Variants in CSMD2 observed in about 807,000 individuals in gnomAD.
The protein encoded by CSMD2 is CUB and Sushi multiple domains 2, also known as CUB and sushi domain-containing protein 2.
In CSMD2, 130 loss-of-function variants were observed where a neutral mutation model predicts 398.5. The ratio of observed to expected loss-of-function variants is 0.33; its 90% CI spans 0.28 to 0.38. The LOEUF (loss-of-function observed/expected upper bound fraction) is 0.38, where lower values mean the gene tolerates loss of function less well. CSMD2 is among the 10% of genes least tolerant of loss of function. The pLI is 1.00. For synonymous variants in CSMD2, 1,828 were observed against 1,908.5 expected (o/e 0.96, Z 1.10); for missense variants, 3,829 against 4,764.9 (o/e 0.80, Z 5.78).
At chr1:34,039,176 G>C (rs1024202116) in intron 2 of CSMD2, among the ~76,000 whole-genome samples, 1 of 152,184 alleles carries the variant, frequency 6.6e-6, no homozygotes, top group Non-Finnish European at 1.5e-5. Context: ...TCTAGACACA[G>C]AGTGGAACAG....
rs866722075 is a variant in CSMD2 at position 34,135,252 on chromosome 1, A to T, written c.187+29659T>A. Among the ~76,000 whole-genome samples the T allele has an allele frequency of 9.7e-3, 1,400 of 144,428 alleles. 5 individuals are homozygous for T. The highest frequency in any genetic ancestry group is 0.017 in the Admixed American group (246 of 14,904). 94.8% of individuals were successfully genotyped at this position (144,428 alleles called of 152,430 possible). A position where few individuals can be genotyped will look rare whatever the true frequency, so the allele number is the denominator to read the frequency against. On this transcript the variant is annotated intron_variant, in intron 1 of 70. Transcript: ENST00000373381. ...GCCCTCATGTTGAAATCACACACAC[A>T]CACACACACACACACACACACACAC...
rs1640092911 is a variant in CSMD2, at chr1:33,867,059, C to T, written c.921-20063G>A. On this transcript the variant is annotated intron_variant, in intron 5 of 70. Transcript: ENST00000373381. The stretch of plus-strand genomic sequence containing the variant: ...CCCCTCCTATTAAGTGTGGGCTGGA[C>T]AGGTGACTTTCTTCTAACCCATAGA... Among the ~76,000 whole-genome samples the T allele has an allele frequency of 3.3e-5, 5 of 152,318 alleles. 1 individual carries two copies. The South Asian group carries it at 1.0e-3, about 32-fold the overall frequency.
At chr1:33,711,346 C>A (rs1285488535) in intron 21 of CSMD2, among the ~76,000 whole-genome samples, 3 of 152,208 alleles carry the variant, frequency 2.0e-5, no homozygotes, top group African/African-American at 7.2e-5. Context: ...GTGGGATGAT[C>A]ATGGACTTTG....
intron 19 of CSMD2, among the ~76,000 whole-genome samples, chr1:33,720,472 C>T (rs186002629): frequency 6.6e-6 from 1 of 152,122 alleles, no homozygotes; most frequent in Admixed American, 6.5e-5. Flanking sequence ...GAAGGGCTGG[C>T]CAGGCAAGGG....
intron 5 of CSMD2, among the ~76,000 whole-genome samples, chr1:33,902,089 G>A (rs1204186713): frequency 1.3e-5 from 2 of 152,166 alleles, no homozygotes; most frequent in Admixed American, 6.5e-5. Flanking sequence ...TGGGGCTCAG[G>A]AATCTGCATT....
chr1:33,548,199 C>T (rs551076787), intron 56 of CSMD2, among the ~76,000 whole-genome samples: 1 of 152,176 alleles, frequency 6.6e-6, no homozygotes, highest in Non-Finnish European at 1.5e-5. Flanking sequence ...TTACCAGGCT[C>T]AGGTATGTCT....
intron 1 of CSMD2, among the ~76,000 whole-genome samples, chr1:34,131,216 C>T (rs956220911): frequency 8.5e-5 from 13 of 152,114 alleles, no homozygotes; most frequent in Non-Finnish European, 1.5e-4. Flanking sequence ...ATTATAACCC[C>T]ACTTTACAGA....
In CSMD2 at chr1:33,583,712, G is replaced by A. The variant is rs1390813086; in HGVS notation, c.7170C>T (p.Asp2390=). The A allele has an allele frequency of 2.5e-6, 4 of 1,614,086 alleles. No homozygotes were observed. The East Asian group carries it at 8.9e-5, about 36-fold the overall frequency. The change falls in exon 47 of 71, where the codon GAC becomes GAT. Residue 2390 remains aspartate (D), a synonymous_variant. Coordinates refer to ENST00000373381, the MANE Select transcript of CSMD2 (RefSeq NM_001281956.2). ...ACTCCACTGTGAGGGAGATGTTATA[G>A]TCGGGCTCCACTCTCACCAGCCAAG... The part of the protein sequence containing the change: ...TCSWLVRVEP[D]YNISLTVEYF...
At chr1:34,085,030 C>A (rs558031604) in intron 2 of CSMD2, among the ~76,000 whole-genome samples, 2 of 152,198 alleles carry the variant, frequency 1.3e-5, no homozygotes, top group South Asian at 4.1e-4. Context: ...CACAAATACA[C>A]CATGGAATAC....
At chr1:33,736,025 A>C (rs376341374) in intron 15 of CSMD2, among the ~76,000 whole-genome samples, 1 of 152,066 alleles carries the variant, frequency 6.6e-6, no homozygotes, top group Non-Finnish European at 1.5e-5. Context: ...CCTGGCATGC[A>C]ACTTCCCAGA....
chr1:33,960,810 T>C (rs1020608466), intron 3 of CSMD2, among the ~76,000 whole-genome samples: 2 of 152,208 alleles, frequency 1.3e-5, no homozygotes, highest in Non-Finnish European at 2.9e-5. Context: ...ATGATGTCTT[T>C]AGAAAGCGCC....
intron 4 of CSMD2, among the ~76,000 whole-genome samples, chr1:33,931,324 T>C (rs1644305828): frequency 6.6e-6 from 1 of 152,210 alleles, no homozygotes; most frequent in Non-Finnish European, 1.5e-5. Context: ...AGGATGGGTG[T>C]ATGGTGGGTA....
intron 1 of CSMD2, among the ~76,000 whole-genome samples, chr1:34,137,200 A>T (rs1638839900): frequency 6.6e-6 from 1 of 151,980 alleles, no homozygotes; most frequent in South Asian, 2.1e-4. Context: ...CCATCCATTC[A>T]GCAATTGCAC....
chr1:33,584,686 C>CATATATGTATATATATATAAAATGAAATA (rs1638958508), intron 46 of CSMD2, among the ~76,000 whole-genome samples: 1 of 149,140 alleles, frequency 6.7e-6, no homozygotes. Context: ...TATCTATATA[C>CATATATGTATATATATATAAAATGAAATA]ATATATGTAT....
At chr1:33,604,363 G>A (rs1042567078) in intron 42 of CSMD2, among the ~76,000 whole-genome samples, 11 of 152,326 alleles carry the variant, frequency 7.2e-5, no homozygotes, top group Admixed American at 2.6e-4. Flanking sequence ...ACACCAGAAC[G>A]GCTCAGTTTC....
intron 2 of CSMD2, among the ~76,000 whole-genome samples, chr1:34,075,663 C>T (rs975990129): frequency 1.5e-4 from 23 of 152,192 alleles, no homozygotes; most frequent in African/African-American, 5.3e-4. Flanking sequence ...ACCCTATAAA[C>T]CCTCCAATAT....
At chr1:33,692,280 A>G (rs943980364) in intron 25 of CSMD2, among the ~76,000 whole-genome samples, 1 of 152,206 alleles carries the variant, frequency 6.6e-6, no homozygotes, top group Non-Finnish European at 1.5e-5. Flanking sequence ...ACCTATTTTG[A>G]AGGAATTTAT....
chr1:33,965,382 A>G (rs1645521314), intron 3 of CSMD2, among the ~76,000 whole-genome samples: 1 of 152,102 alleles, frequency 6.6e-6, no homozygotes, highest in South Asian at 2.1e-4. Flanking sequence ...TGCATGCCAC[A>G]CTTAGTGCCA....
At chr1:33,649,587 T>C (rs535003107) in intron 28 of CSMD2, among the ~76,000 whole-genome samples, 1 of 152,184 alleles carries the variant, frequency 6.6e-6, no homozygotes, top group Non-Finnish European at 1.5e-5. Context: ...AGGGTTGCAG[T>C]GAGCCAAGAT....
Sources: allele counts gnomAD v4.1 joint callset (sites outside exome capture counted in the v4.1 genomes callset), GRCh38; gene constraint gnomAD v4.1.1; transcripts MANE v1.5; gene names NCBI Gene and HGNC (gene_info 2026-07-23, HGNC 2026-07-21).